The following ACP3 variants were observed in gnomAD, a reference collection of about 807,000 sequenced individuals.
ACP3 encodes the protein prostatic acid phosphatase.
A neutral mutation model predicts 45.6 loss-of-function variants in ACP3; 38 were observed. The observed-to-expected ratio is 0.83, with a 90% confidence interval of 0.64 to 1.09. ACP3 has a LOEUF of 1.09. Ranked by LOEUF, ACP3 falls within the 50% of genes least tolerant of loss-of-function variation. The probability of loss-of-function intolerance (pLI) is 0.00; values close to 1 mark genes in which losing one functional copy is unlikely to be tolerated. For missense variants in ACP3, 466 were observed against 463.2 expected, an observed-to-expected ratio of 1.01 and a Z score of -0.05; for synonymous variants, 162 against 164.7, an observed-to-expected ratio of 0.98 and a Z score of 0.13.
chr3:132,335,372 A>T (rs568747397), intron 4 of ACP3, among the ~76,000 whole-genome samples: 1 of 152,178 alleles, frequency 6.6e-6, no homozygotes. Flanking sequence ...ATGGTAAAAG[A>T]TGTTAGAGGA....
intron 1 of ACP3, 65 bp from the exon 2 acceptor site, chr3:132,328,202 A>G (rs1937333438): frequency 3.1e-6 from 4 of 1,306,686 alleles, no homozygotes; most frequent in Non-Finnish European, 4.3e-6. Context: ...AAAAACTATT[A>G]TAATGAGCAG....
chr3:132,320,348 C>T lies in ACP3; in HGVS notation c.120+2772C>T, dbSNP rs1313689490. ...TGTCCTCATCAACCAGCTTCAAAGA[C>T]TATCACCCATGCAATCTTGTTTCAT... On this transcript the variant is annotated intron_variant, in intron 1 of 9. Transcript: ENST00000336375. Among the ~76,000 whole-genome samples the T allele has an allele frequency of 7.2e-5, 11 of 152,320 alleles. No homozygotes were observed. In the East Asian group the frequency reaches 1.9e-3, roughly 27 times the overall value.
At chr3:132,339,641 A>G (rs1258332639) in intron 5 of ACP3, among the ~76,000 whole-genome samples, 3 of 152,234 alleles carry the variant, frequency 2.0e-5, no homozygotes, top group African/African-American at 7.2e-5. Flanking sequence ...TACAAAAGAT[A>G]TAAGGAAAAG....
chr3:132,354,482 T>C (rs912236624), intron 9 of ACP3, among the ~76,000 whole-genome samples: 1 of 152,186 alleles, frequency 6.6e-6, no homozygotes, highest in Non-Finnish European at 1.5e-5. Flanking sequence ...TTTGTTGTTG[T>C]ATTAGGATTT....
chr3:132,367,825 A>T, exon 11 of ACP3: 1 of 1,603,448 alleles, frequency 6.2e-7, no homozygotes, highest in Non-Finnish European at 8.5e-7. Flanking sequence ...ACATCTGAAC[A>T]GACAGCTGGA....
chr3:132,352,256 G>A (rs1937759698), intron 8 of ACP3, among the ~76,000 whole-genome samples: 1 of 152,026 alleles, frequency 6.6e-6, no homozygotes, highest in Admixed American at 6.6e-5. Context: ...TGAGTGCAGT[G>A]GCACGATCTT....
At chr3:132,346,244 C>A (rs551994752) in intron 7 of ACP3, among the ~76,000 whole-genome samples, 2 of 152,306 alleles carry the variant, frequency 1.3e-5, no homozygotes, top group South Asian at 4.1e-4. Flanking sequence ...GCTAGAAAAG[C>A]AGGGCTGCAC....
In ACP3 at chr3:132,337,160, T is replaced by C. The variant is rs56858340; in HGVS notation, c.457-296T>C. ...TGGGAAGGAAGCAAGATAACAGTTATTCACGTGGAAGATCGAGAAGTGTAA... is the reference window on the plus strand; with the variant it reads ...TGGGAAGGAAGCAAGATAACAGTTACTCACGTGGAAGATCGAGAAGTGTAA... On this transcript the variant is annotated intron_variant, in intron 4 of 9. Coordinates refer to ENST00000336375, the MANE Select transcript of ACP3 (RefSeq NM_001099.5). 5.4e-3 allele frequency among the ~76,000 whole-genome samples: 818 copies of C among 152,096 alleles called. 8 individuals carry two copies. The highest frequency in any genetic ancestry group is 0.018 in the African/African-American group (757 of 41,504).
At chr3:132,318,063 A>G (rs1937141322) in intron 1 of ACP3, among the ~76,000 whole-genome samples, 1 of 152,256 alleles carries the variant, frequency 6.6e-6, no homozygotes, top group Non-Finnish European at 1.5e-5. Flanking sequence ...GTGAATCTAA[A>G]TTTGGAATTT....
intron 3 of ACP3, among the ~76,000 whole-genome samples, 167 bp from the exon 4 acceptor site, chr3:132,332,025 C>T (rs1332383639): frequency 6.6e-6 from 1 of 152,172 alleles, no homozygotes; most frequent in Non-Finnish European, 1.5e-5. Context: ...GTACCATGAT[C>T]ATAATATTGC....
At position 132,337,422 on chromosome 3, in the gene ACP3, CAT is replaced by C. The variant is rs1325285503; in HGVS notation, c.457-32_457-31del. 3.5e-6 allele frequency: 5 copies of C among 1,412,022 alleles called. No homozygotes were observed. In the African/African-American group the frequency reaches 5.7e-5, roughly 16 times the overall value. The allele number at this position is 1,412,022 out of a possible 1,614,324, so 87.5% of individuals were successfully genotyped here. ...CATATTTAGCAAAGTTTTTCTGACTCATAACAGTTTTATGATTTTTCTCTTAT... is the reference window on the plus strand; with the variant it reads ...CATATTTAGCAAAGTTTTTCTGACTCAACAGTTTTATGATTTTTCTCTTAT... On this transcript the variant is annotated intron_variant, in intron 4 of 9. Coordinates refer to ENST00000336375, the MANE Select transcript of ACP3 (RefSeq NM_001099.5).
At position 132,352,752 on chromosome 3, in the gene ACP3, G is replaced by T; in HGVS notation, c.897G>T (p.Ala299=). The change falls in exon 9 of 10, where the codon GCG becomes GCT. Residue 299 remains alanine, a synonymous_variant. Transcript: ENST00000336375. ...HDTTVSGLQM[A]LDVYNGLLPP... ...CTACTGTGAGTGGCCTACAGATGGC[G>T]CTAGATGTTTACAACGGACTCCTTC... The T allele has an allele frequency of 6.2e-7, 1 of 1,613,798 alleles. No individual in the cohort carries two copies. The highest frequency in any genetic ancestry group is 8.5e-7 in the Non-Finnish European group (1 of 1,179,722).
At chr3:132,359,443 A>G (rs993960629), downstream of ACP3, among the ~76,000 whole-genome samples, 19 of 152,190 alleles carry the variant, frequency 1.2e-4, no homozygotes, top group South Asian at 6.2e-4. Context: ...GGGAAGCGGA[A>G]CTTGCAGTGA....
rs1218565332 is a variant in ACP3 at position 132,332,337 on chromosome 3, A to G, written c.449A>G (p.Glu150Gly). The part of the protein sequence containing the change: ...PIPVHTVPLS[E>G]DQLLYLPFRN... Reference sequence around the variant, plus strand: ...CCGGTGCACACAGTTCCTCTTTCTGAAGATCAGGTCAGTATACTGGGAAAA... The same window carrying G: ...CCGGTGCACACAGTTCCTCTTTCTGGAGATCAGGTCAGTATACTGGGAAAA... Residue 150 changes from glutamate to glycine, a missense_variant, in exon 4 of 10, where the codon GAA becomes GGA. Transcript: ENST00000336375. 1 of 1,614,064 alleles carries G rather than the reference A, an allele frequency of 6.2e-7. No homozygotes were observed. The highest frequency in any genetic ancestry group is 1.3e-5 in the African/African-American group (1 of 75,014).
chr3:132,331,626 G>T (rs1195321470), intron 2 of ACP3, 21 bp from the exon 3 acceptor site: 1 of 1,553,070 alleles, frequency 6.4e-7, no homozygotes, highest in Admixed American at 2.2e-5. Flanking sequence ...ATTAATTTTT[G>T]CTTTTATTTT....
At chr3:132,368,163 T>C in exon 11 of ACP3, 1 of 180,540 alleles carries the variant, frequency 5.5e-6, no homozygotes, top group Non-Finnish European at 1.1e-5. Flanking sequence ...GAGTGAAGGG[T>C]GAGAAGGTGG....
chr3:132,329,832 A>G (rs182724686), intron 2 of ACP3, among the ~76,000 whole-genome samples: 33 of 152,176 alleles, frequency 2.2e-4, no homozygotes, highest in Admixed American at 2.0e-3. Flanking sequence ...CATACTCCCA[A>G]GGATGACAAT....
Position 132,332,201 on chromosome 3 carries a change from C to A in ACP3, c.313C>A (p.Arg105=). The A allele has an allele frequency of 6.2e-7, 1 of 1,614,032 alleles. No homozygotes were observed. Among genetic ancestry groups the A allele is most frequent in the Non-Finnish European group, 8.5e-7 (1 of 1,179,992 alleles). The part of the protein sequence containing the change: ...ESYKHEQVYI[R]STDVDRTLMS... ...GATTTTCCTACTCTAGGTTTATATT[C>A]GAAGCACAGACGTTGACCGGACTTT... Residue 105 remains arginine (R), a synonymous_variant, in exon 4 of 10, where the codon CGA becomes AGA. Coordinates refer to ENST00000336375, the MANE Select transcript of ACP3 (RefSeq NM_001099.5).
chr3:132,347,844 TACACACAC>T (rs112045628), intron 7 of ACP3, among the ~76,000 whole-genome samples: 1 of 144,906 alleles, frequency 6.9e-6, no homozygotes, highest in Non-Finnish European at 1.5e-5. Context: ...CACACACACA[TACACACAC>T]ACACACACAC....
Sources: gnomAD v4.1 joint callset for allele counts (sites outside exome capture counted in the v4.1 genomes callset) on GRCh38, gnomAD v4.1.1 for gene constraint, MANE v1.5 for transcripts, NCBI Gene and HGNC (gene_info 2026-07-23, HGNC 2026-07-21) for gene names.